SOX6: variants seen among roughly 807,000 people sequenced by gnomAD.
The protein encoded by SOX6 is SRY-box transcription factor 6.
A neutral mutation model predicts 97.8 loss-of-function variants in SOX6; 11 were observed. That is an observed-to-expected ratio of 0.11 (90% CI 0.07 to 0.19). SOX6 has a LOEUF of 0.19. Among genes scored for constraint, SOX6 ranks in the 10% least tolerant of loss-of-function variants. The pLI is 1.00. For synonymous variants in SOX6, 360 were observed against 371.4 expected (o/e 0.97, Z 0.35); for missense variants, 810 against 1,039.5 (o/e 0.78, Z 3.04).
intron 4 of SOX6, among the ~76,000 whole-genome samples, chr11:16,536,126 T>C (rs2133173170): frequency 6.6e-6 from 1 of 152,298 alleles, no homozygotes; most frequent in South Asian, 2.1e-4. Context: ...AATAGTTTTG[T>C]TCACAGGGCC....
At chr11:16,021,283 A>G (rs1402915755) in intron 12 of SOX6, among the ~76,000 whole-genome samples, 2 of 152,138 alleles carry the variant, frequency 1.3e-5, no homozygotes, top group Non-Finnish European at 2.9e-5. Flanking sequence ...ATGCTAAGAG[A>G]TATTCTGTCT....
chr11:16,568,924 T>G (rs1388080371), intron 4 of SOX6, among the ~76,000 whole-genome samples: 1 of 152,220 alleles, frequency 6.6e-6, no homozygotes, highest in African/African-American at 2.4e-5. Context: ...CCCAGGGCAG[T>G]AACCTTTTAC....
At chr11:16,658,130 T>C (rs1318717462) in intron 3 of SOX6, among the ~76,000 whole-genome samples, 1 of 152,238 alleles carries the variant, frequency 6.6e-6, no homozygotes, top group East Asian at 1.9e-4. Flanking sequence ...ATAGAAGATT[T>C]CCCATTTGTT....
chr11:16,549,138 T>TA (rs1565177939), intron 4 of SOX6, among the ~76,000 whole-genome samples: 1 of 152,132 alleles, frequency 6.6e-6, no homozygotes, highest in Non-Finnish European at 1.5e-5. Flanking sequence ...CTTAATGAGA[T>TA]ACAGTACTAA....
intron 4 of SOX6, among the ~76,000 whole-genome samples, chr11:16,527,181 AT>A (rs60804596): frequency 0.013 from 1,945 of 152,138 alleles, 46 homozygotes; most frequent in African/African-American, 0.044. Context: ...GGAAAAAAAA[AT>A]CAACCTAGGC....
intron 3 of SOX6, among the ~76,000 whole-genome samples, chr11:16,288,363 A>G (rs1487210657): frequency 6.6e-6 from 1 of 151,952 alleles, no homozygotes. Flanking sequence ...CTCTTTTTAT[A>G]TGCTTTATAG....
At chr11:16,530,394 C>T (rs1861223116) in intron 4 of SOX6, among the ~76,000 whole-genome samples, 1 of 151,646 alleles carries the variant, frequency 6.6e-6, no homozygotes, top group Non-Finnish European at 1.5e-5. Flanking sequence ...TTTTCTTTAC[C>T]CTTCTCCTTT....
intron 3 of SOX6, among the ~76,000 whole-genome samples, chr11:16,671,712 T>C (rs1847848805): frequency 1.3e-5 from 2 of 152,176 alleles, no homozygotes; most frequent in South Asian, 2.1e-4. Flanking sequence ...AGCAAACAAC[T>C]TGGAAAACAT....
chr11:16,273,260 A>G (rs968683598), intron 3 of SOX6, among the ~76,000 whole-genome samples: 2 of 152,042 alleles, frequency 1.3e-5, no homozygotes, highest in African/African-American at 4.8e-5. Flanking sequence ...AAGAATTGTC[A>G]TTAATATTTC....
intron 1 of SOX6, among the ~76,000 whole-genome samples, chr11:16,445,084 C>T (rs1412607934): frequency 3.3e-5 from 5 of 152,086 alleles, no homozygotes; most frequent in Non-Finnish European, 1.5e-5. Flanking sequence ...GGAAGTAATA[C>T]CTTGATAGCA....
At chr11:16,445,353 T>C (rs1859590929) in intron 1 of SOX6, among the ~76,000 whole-genome samples, 1 of 152,206 alleles carries the variant, frequency 6.6e-6, no homozygotes, top group Non-Finnish European at 1.5e-5. Flanking sequence ...AATATACTAA[T>C]GCTTTAATTT....
At chr11:16,347,305 A>G (rs889824412) in intron 1 of SOX6, among the ~76,000 whole-genome samples, 2 of 152,110 alleles carry the variant, frequency 1.3e-5, no homozygotes, top group African/African-American at 4.8e-5. Flanking sequence ...GATATAAATA[A>G]TATGGTCTTC....
rs558366488 is a variant in SOX6, at chr11:15,980,712, T to C, written c.2183+5492A>G. On this transcript the variant is annotated intron_variant, in intron 15 of 15. Coordinates refer to ENST00000683767, the MANE Select transcript of SOX6 (RefSeq NM_001367873.1). Reference sequence around the variant, plus strand: ...AAAGCAGGAATCTACTTCCCATAAGTCTGACCTACCCAAACTTCAAGTCCC... The same window carrying C: ...AAAGCAGGAATCTACTTCCCATAAGCCTGACCTACCCAAACTTCAAGTCCC... Among the ~76,000 whole-genome samples, 43 of 152,150 alleles carry C rather than the reference T, an allele frequency of 2.8e-4. No individual in the cohort carries two copies. The South Asian group carries it at 8.9e-3, about 32-fold the overall frequency.
rs1290329150 is a variant in SOX6, at chr11:16,607,939, G to A, written n.609+4142C>T. 6.6e-6 allele frequency among the ~76,000 whole-genome samples: 1 copy of A among 152,050 alleles called. No individual in the cohort carries two copies. Among genetic ancestry groups the A allele is most frequent in the Non-Finnish European group, 1.5e-5 (1 of 67,998 alleles). ...CGGGAGGCAAAGGCAAGAGAGAGCC[G>A]CAAAGAGAGAGGAGGGCAGAGACAT... On this transcript the variant is annotated intron_variant and non_coding_transcript_variant, in intron 4 of 5. Transcript: ENST00000524520. The surrounding 1 kb of genome is among the most constrained non-coding windows in gnomAD (Gnocchi z 6.5).
At chr11:16,485,946 G>A (rs1484206555) in intron 4 of SOX6, among the ~76,000 whole-genome samples, 92 of 1,182 alleles carry the variant, frequency 0.078, no homozygotes, top group African/African-American at 0.19. Flanking sequence ...GGGAGAGGAG[G>A]GGAGGGGAGG....
chr11:16,322,194 T>C (rs1855947503), intron 2 of SOX6, among the ~76,000 whole-genome samples: 2 of 152,152 alleles, frequency 1.3e-5, no homozygotes, highest in Admixed American at 6.6e-5. Context: ...CCTGCCCAAA[T>C]CTCAAGTTGA....
At chr11:16,540,845 C>A (rs940900862) in intron 4 of SOX6, among the ~76,000 whole-genome samples, 1 of 152,030 alleles carries the variant, frequency 6.6e-6, no homozygotes, top group African/African-American at 2.4e-5. Context: ...TGGAAGAACA[C>A]TCCATGCTCA....
chr11:16,281,169 C>T lies in SOX6; in HGVS notation c.445+37277G>A, dbSNP rs564459347. ...GAAGTAAAGCCTAAAACTTTATTAC[C>T]AACAGAATAAACCCCTTTAAAAAAT... On this transcript the variant is annotated intron_variant, in intron 3 of 15. Coordinates refer to ENST00000683767, the MANE Select transcript of SOX6 (RefSeq NM_001367873.1). 2.6e-5 allele frequency among the ~76,000 whole-genome samples: 4 copies of T among 152,024 alleles called. No individual in the cohort carries two copies. In the South Asian group the frequency reaches 8.3e-4, roughly 32 times the overall value.
intron 4 of SOX6, among the ~76,000 whole-genome samples, chr11:16,513,021 G>A (rs1958638308): frequency 6.6e-6 from 1 of 152,134 alleles, no homozygotes; most frequent in Admixed American, 6.5e-5. Flanking sequence ...AGGAAGCAAT[G>A]AGACAACCTG....
Sources: allele counts gnomAD v4.1 joint callset (sites outside exome capture counted in the v4.1 genomes callset), GRCh38; gene constraint gnomAD v4.1.1; non-coding constraint Gnocchi (gnomAD v3.1); transcripts MANE v1.5; gene names NCBI Gene and HGNC (gene_info 2026-07-23, HGNC 2026-07-21).